The following IL12RB1 variants were observed in gnomAD, a reference collection of about 807,000 sequenced individuals.
IL12RB1 encodes interleukin-12 receptor subunit beta-1.
In IL12RB1, 64 loss-of-function variants were observed where a neutral mutation model predicts 94.4. The ratio of observed to expected loss-of-function variants is 0.68; its 90% confidence interval spans 0.55 to 0.83. IL12RB1 has a LOEUF of 0.83. Among genes scored for constraint, IL12RB1 ranks in the 40% least tolerant of loss-of-function variants. The probability of loss-of-function intolerance (pLI) is 0.00; values close to 1 mark genes in which losing one functional copy is unlikely to be tolerated. For missense variants in IL12RB1, 814 were observed against 855.6 expected (o/e 0.95, Z 0.61); for synonymous variants, 362 against 355.5 (o/e 1.02, Z -0.21).
intron 4 of IL12RB1, among the ~76,000 whole-genome samples, chr19:18,079,181 G>A (rs185730191): frequency 3.3e-4 from 49 of 146,990 alleles, no homozygotes; most frequent in African/African-American, 1.2e-3. Context: ...TCGGTTCACT[G>A]TAACCTCCAT....
At chr19:18,082,540 C>T (rs17886368) in intron 2 of IL12RB1, among the ~76,000 whole-genome samples, 3,612 of 152,230 alleles carry the variant, frequency 0.024, 71 homozygotes, top group Non-Finnish European at 0.036. Context: ...AGGGCCCCAA[C>T]TTTCCTCCTC....
At chr19:18,086,951 G>A (rs1568526875), upstream of IL12RB1, 3 of 1,542,430 alleles carry the variant, frequency 1.9e-6, no homozygotes, top group Admixed American at 4.0e-5. Context: ...AAAGAAAAAA[G>A]AAAAAAAGTA....
chr19:18,084,279 C>T (rs374109753), intron 1 of IL12RB1, among the ~76,000 whole-genome samples: 1 of 137,876 alleles, frequency 7.3e-6, no homozygotes, highest in South Asian at 2.3e-4. Context: ...ACCCCCCATC[C>T]ATCTATCCAT....
rs542734526 is a variant in IL12RB1, at chr19:18,066,564, A to G, written c.1461T>C (p.Asp487=). ...VLKEYVVRCR[D]EDSKQVSEHP... ...TACCTGACACCTGTTTGCTGTCTTC[A>G]TCTCGGCAGCGGACAACATACTCCT... is the stretch of plus-strand genomic sequence containing the variant. Residue 487 remains aspartate, a synonymous_variant, in exon 12 of 17, where the codon GAT becomes GAC. Transcript: ENST00000593993. The G allele has an allele frequency of 5.0e-5, 80 of 1,613,520 alleles. 1 individual carries two copies. In the South Asian group the frequency reaches 8.1e-4, roughly 16 times the overall value.
intron 1 of IL12RB1, among the ~76,000 whole-genome samples, chr19:18,098,276 G>A (rs1203963472): frequency 2.0e-5 from 3 of 152,170 alleles, no homozygotes; most frequent in Admixed American, 6.5e-5. Context: ...GACGACCTGG[G>A]GAGGTTGGGG....
At chr19:18,093,344 A>ATATATG (rs1224767884) in intron 1 of IL12RB1, among the ~76,000 whole-genome samples, 2 of 142,602 alleles carry the variant, frequency 1.4e-5, no homozygotes, top group Non-Finnish European at 3.1e-5. Context: ...ATATATATAT[A>ATATATG]TATACTTGTG....
upstream of IL12RB1, among the ~76,000 whole-genome samples, chr19:18,088,404 T>TATATATATATATATAA (rs1038225227): frequency 0.019 from 2,564 of 137,612 alleles, 116 homozygotes; most frequent in African/African-American, 0.069. Context: ...TATATATATA[T>TATATATATATATATAA]AAATTAAAAG....
chr19:18,061,179 G>T lies in IL12RB1; in HGVS notation c.1734C>A (p.Cys578Ter). Residue 578 changes from cysteine (C) to a stop codon, truncating the protein, a stop_gained, in exon 15 of 17, where the codon TGC (cysteine) becomes TGA (stop). Coordinates refer to ENST00000593993, the MANE Select transcript of IL12RB1 (RefSeq NM_005535.3). LOFTEE classifies it high-confidence loss of function. ...TGGCACAGGGTGTGGGCAGCGGCGG[G>T]CACAGGTGCCGTGCGGCCCTGGGGA... ...LGLNRAARHL[C>*]PPLPTPCASS... 1 of 1,591,690 alleles carries T rather than the reference G, an allele frequency of 6.3e-7. No homozygotes were observed.
chr19:18,090,282 C>T (rs1255495119), upstream of IL12RB1, among the ~76,000 whole-genome samples: 2 of 150,790 alleles, frequency 1.3e-5, no homozygotes, highest in Non-Finnish European at 3.0e-5. Flanking sequence ...GAGGTCGAGA[C>T]TGCAGTGAGC....
intron 5 of IL12RB1, among the ~76,000 whole-genome samples, chr19:18,077,309 C>A (rs987522616): frequency 6.6e-6 from 1 of 151,824 alleles, no homozygotes; most frequent in Admixed American, 6.6e-5. Flanking sequence ...TTGCAGTGAG[C>A]TGAGATCATG....
At chr19:18,086,945 A>C, upstream of IL12RB1, 1 of 1,545,038 alleles carries the variant, frequency 6.5e-7, no homozygotes, top group Non-Finnish European at 8.7e-7. Context: ...GAAAAAAAAG[A>C]AAAAAGAAAA....
chr19:18,070,290 A>T (rs192693470), intron 9 of IL12RB1, among the ~76,000 whole-genome samples: 1 of 152,298 alleles, frequency 6.6e-6, no homozygotes, highest in African/African-American at 2.4e-5. Context: ...GATATTCACC[A>T]TGAGAGCTTC....
At chr19:18,078,886 T>G (rs1181887839) in intron 4 of IL12RB1, among the ~76,000 whole-genome samples, 1 of 151,992 alleles carries the variant, frequency 6.6e-6, no homozygotes, top group East Asian at 1.9e-4. Context: ...CATAGTGAAA[T>G]GATTACTACA....
upstream of IL12RB1, among the ~76,000 whole-genome samples, chr19:18,087,635 C>T (rs1479459840): frequency 1.3e-5 from 2 of 152,008 alleles, no homozygotes; most frequent in Non-Finnish European, 2.9e-5. Context: ...CCTACCTCAG[C>T]CTCCCCAGGA....
intron 7 of IL12RB1, among the ~76,000 whole-genome samples, chr19:18,074,447 T>C (rs1219636283): frequency 6.6e-6 from 1 of 152,150 alleles, no homozygotes; most frequent in Non-Finnish European, 1.5e-5. Flanking sequence ...TGATTCTCAC[T>C]TGATAAAGCC....
At chr19:18,061,560 C>A (rs2034128340) in intron 14 of IL12RB1, among the ~76,000 whole-genome samples, 1 of 152,102 alleles carries the variant, frequency 6.6e-6, no homozygotes, top group African/African-American at 2.4e-5. Context: ...ACATGCCCAC[C>A]AGTGTCACCG....
intron 1 of IL12RB1, among the ~76,000 whole-genome samples, chr19:18,084,701 A>ATCCATCCATC (rs1568523051): frequency 2.0e-5 from 3 of 151,642 alleles, no homozygotes; most frequent in African/African-American, 7.3e-5. Context: ...ATCCATCCAT[A>ATCCATCCATC]CATACATACA....
intron 4 of IL12RB1, among the ~76,000 whole-genome samples, chr19:18,079,597 CT>C (rs904298605): frequency 2.1e-4 from 31 of 147,264 alleles, no homozygotes; most frequent in Middle Eastern, 3.5e-3. Context: ...AGATATTCGA[CT>C]TTTTTTTTTT....
chr19:18,059,626 A>G lies in IL12RB1; in HGVS notation c.1984-13T>C, dbSNP rs377287376. ...TCAACGATCACATCTGTAAAGTACA[A>G]CAGTCATGGTTCCTTTCAGGGGGTG... On this transcript the variant is annotated splice_polypyrimidine_tract_variant and intron_variant, in intron 16 of 16. Transcript: ENST00000593993. 1.4e-5 allele frequency: 11 copies of G among 780,496 alleles called. No individual in the cohort carries two copies. Among genetic ancestry groups the G allele is most frequent in the African/African-American group, 1.0e-4 (6 of 59,132 alleles). The allele number at this position is 780,496 out of a possible 1,614,324, so 48.3% of individuals were successfully genotyped here. A position where few individuals can be genotyped will look rare whatever the true frequency, so the allele number is the denominator to read the frequency against.
Sources: allele counts gnomAD v4.1 joint callset (sites outside exome capture counted in the v4.1 genomes callset), GRCh38; gene constraint gnomAD v4.1.1; transcripts MANE v1.5; gene names NCBI Gene and HGNC (gene_info 2026-07-23, HGNC 2026-07-21).